Variants in TTC6 observed in about 807,000 individuals in gnomAD.
TTC6 encodes tetratricopeptide repeat domain 6, also known as tetratricopeptide repeat protein 6.
TTC6 carries 172 observed loss-of-function variants against 210.4 expected under a neutral mutation model. The observed-to-expected ratio is 0.82, with a 90% CI of 0.72 to 0.93. TTC6 has a LOEUF of 0.93. Among genes scored for constraint, TTC6 ranks in the 40% least tolerant of loss-of-function variants. The pLI is 0.00. For missense variants in TTC6, 2,414 were observed against 2,318.1 expected, an observed-to-expected ratio of 1.04 and a Z score of -0.85; for synonymous variants, 804 against 819.6, an observed-to-expected ratio of 0.98 and a Z score of 0.32.
At chr14:37,666,771 G>A (rs1165666195) in intron 1 of TTC6, among the ~76,000 whole-genome samples, 5 of 150,264 alleles carry the variant, frequency 3.3e-5, no homozygotes, top group Non-Finnish European at 6.0e-5. Context: ...CCCCTGTCCT[G>A]GTAAGGTCCA....
chr14:37,826,368 T>C (rs2096171581), intron 28 of TTC6, 21 bp downstream of exon 30: 1 of 1,569,314 alleles, frequency 6.4e-7, no homozygotes, highest in Non-Finnish European at 8.6e-7. Flanking sequence ...TCTTAGATTA[T>C]ATTATTATTA....
chr14:37,822,790 A>C lies in TTC6; in HGVS notation c.4764-957A>C, dbSNP rs183776425. 9.2e-5 allele frequency among the ~76,000 whole-genome samples: 14 copies of C among 152,270 alleles called. No individual in the cohort carries two copies. In the East Asian group the frequency reaches 1.9e-3, roughly 21 times the overall value. On this transcript the variant is annotated intron_variant, in intron 26 of 30. Coordinates refer to ENST00000553443, the Ensembl canonical transcript of TTC6. ...GGAGTAAGGCTTACATGAATCTCAG[A>C]TATTTTCTCTGTGCAAGCATAGTAT...
chr14:37,770,549 A>G (rs1280802286), intron 14 of TTC6, among the ~76,000 whole-genome samples: 1 of 151,912 alleles, frequency 6.6e-6, no homozygotes, highest in Non-Finnish European at 1.5e-5. Context: ...TCCCTTTACC[A>G]TTATGTAATG....
At chr14:37,781,068 G>T (rs568451793) in intron 14 of TTC6, among the ~76,000 whole-genome samples, 2 of 152,168 alleles carry the variant, frequency 1.3e-5, no homozygotes, top group African/African-American at 2.4e-5. Context: ...TTGCTATTTT[G>T]AATAATGCCA....
At chr14:37,758,388 AT>A (rs1202732624) in intron 14 of TTC6, among the ~76,000 whole-genome samples, 1 of 152,218 alleles carries the variant, frequency 6.6e-6, no homozygotes, top group Non-Finnish European at 1.5e-5. Context: ...GTGCATATAT[AT>A]TTAGGATAGT....
intron 5 of TTC6, 25 bp from the exon 8 acceptor site, chr14:37,714,630 A>C (rs1161710907): frequency 6.6e-7 from 1 of 1,523,406 alleles, no homozygotes; most frequent in African/African-American, 1.4e-5. Flanking sequence ...TAAAAAGCAA[A>C]CTTATTGTTC....
chr14:37,752,351 GAAT>G (rs1289744519), intron 13 of TTC6, among the ~76,000 whole-genome samples: 1 of 151,858 alleles, frequency 6.6e-6, no homozygotes, highest in Non-Finnish European at 1.5e-5. Context: ...TGCTTGAGGA[GAAT>G]ATTATATATT....
At chr14:37,809,997 C>G (rs935484717) in intron 24 of TTC6, among the ~76,000 whole-genome samples, 1 of 152,194 alleles carries the variant, frequency 6.6e-6, no homozygotes, top group Admixed American at 6.5e-5. Context: ...CACACACTCT[C>G]CATTCTGTGA....
At chr14:37,601,553 A>C (rs957243019) in intron 1 of TTC6, among the ~76,000 whole-genome samples, 3 of 152,204 alleles carry the variant, frequency 2.0e-5, no homozygotes, top group Admixed American at 6.5e-5. Flanking sequence ...GTGCACTAGG[A>C]AAACAAAGGT....
intron 14 of TTC6, among the ~76,000 whole-genome samples, chr14:37,772,808 T>C (rs2096024495): frequency 6.6e-6 from 1 of 152,192 alleles, no homozygotes; most frequent in East Asian, 1.9e-4. Flanking sequence ...GCTGTTCCTA[T>C]TCGGCCATCT....
At chr14:37,821,827 C>A (rs1186250273) in intron 26 of TTC6, among the ~76,000 whole-genome samples, 1 of 127,760 alleles carries the variant, frequency 7.8e-6, no homozygotes, top group African/African-American at 3.2e-5. Context: ...GTTGCCCAGG[C>A]TGGAGTGCAG....
Position 37,820,955 on chromosome 14 carries a change from T to TCC in TTC6, c.4764-2792_4764-2791insCC, listed in dbSNP as rs1190710498. On this transcript the variant is annotated intron_variant, in intron 26 of 30. Coordinates refer to ENST00000553443, the Ensembl canonical transcript of TTC6. ...CTCCTCCTCCTTCTTCTCCTCCTCC[T>TCC]TCTCCTCCTCCTCCTCTTCTTCCTC... Among the ~76,000 whole-genome samples, 46 of 141,646 alleles carry TCC rather than the reference T, an allele frequency of 3.2e-4. 1 individual carries two copies. Among genetic ancestry groups the TCC allele is most frequent in the African/African-American group, 1.3e-3 (42 of 31,706 alleles). The allele number at this position is 141,646 out of a possible 152,430, so 92.9% of individuals were successfully genotyped here.
intron 5 of TTC6, among the ~76,000 whole-genome samples, chr14:37,706,346 G>A (rs930312288): frequency 1.3e-5 from 2 of 151,886 alleles, no homozygotes; most frequent in Non-Finnish European, 2.9e-5. Context: ...GCTTCCCTGG[G>A]GATGGCTTCT....
intron 1 of TTC6, among the ~76,000 whole-genome samples, chr14:37,639,065 AACTT>A (rs1232056612): frequency 1.3e-5 from 2 of 152,180 alleles, no homozygotes; most frequent in Non-Finnish European, 2.9e-5. Flanking sequence ...TTCTGCAACT[AACTT>A]TTTGGTACAT....
intron 1 of TTC6, among the ~76,000 whole-genome samples, chr14:37,673,423 A>C (rs891299090): frequency 1.3e-5 from 2 of 152,200 alleles, no homozygotes; most frequent in African/African-American, 2.4e-5. Flanking sequence ...AAGGCAGTGC[A>C]GCTTGACTAA....
chr14:37,830,750 AT>A (rs61409617), intron 29 of TTC6, among the ~76,000 whole-genome samples: 2 of 151,346 alleles, frequency 1.3e-5, no homozygotes, highest in Non-Finnish European at 2.9e-5. Context: ...TCTAAAATAG[AT>A]TTTTTTAAAT....
chr14:37,670,237 A>G (rs2095755621), intron 1 of TTC6, among the ~76,000 whole-genome samples: 1 of 152,324 alleles, frequency 6.6e-6, no homozygotes, highest in East Asian at 1.9e-4. Context: ...TCTTGCCTAC[A>G]GAAAGCTCTT....
intron 20 of TTC6, 70 bp downstream of exon 22, chr14:37,797,017 C>G (rs2096094356): frequency 7.8e-7 from 1 of 1,287,762 alleles, no homozygotes; most frequent in East Asian, 2.9e-5. Flanking sequence ...TAGTATACCA[C>G]TTTAAATATT....
intron 20 of TTC6, among the ~76,000 whole-genome samples, chr14:37,797,212 T>C (rs1595281158): frequency 1.3e-5 from 2 of 152,142 alleles, no homozygotes; most frequent in East Asian, 3.9e-4. Context: ...ATGTAGAGAA[T>C]GTGAATGTTT....
Sources: allele counts gnomAD v4.1 joint callset (sites outside exome capture counted in the v4.1 genomes callset), GRCh38; gene constraint gnomAD v4.1.1; transcripts MANE v1.5; gene names NCBI Gene and HGNC (gene_info 2026-07-23, HGNC 2026-07-21).